Variants in CADPS2 observed in about 807,000 individuals in gnomAD.
CADPS2 encodes calcium-dependent secretion activator 2.
In CADPS2, 93 loss-of-function variants were observed where a neutral mutation model predicts 172.5. That is an observed-to-expected ratio of 0.54 (90% CI 0.46 to 0.64). The LOEUF is 0.64. CADPS2 is among the 30% of genes least tolerant of loss of function. The probability of loss-of-function intolerance (pLI) is 0.00; values close to 1 mark genes in which losing one functional copy is unlikely to be tolerated. For synonymous variants in CADPS2, 546 were observed against 555.2 expected (o/e 0.98, Z 0.23); for missense variants, 1,420 against 1,565.9 (o/e 0.91, Z 1.57).
At chr7:122,699,473 T>G (rs2085681555) in intron 2 of CADPS2, among the ~76,000 whole-genome samples, 1 of 152,174 alleles carries the variant, frequency 6.6e-6, no homozygotes, top group African/African-American at 2.4e-5. Flanking sequence ...ATTAGTGCAG[T>G]GACCGGATGT....
chr7:122,763,233 A>G (rs1360875960), intron 1 of CADPS2, among the ~76,000 whole-genome samples: 1 of 152,166 alleles, frequency 6.6e-6, no homozygotes, highest in African/African-American at 2.4e-5. Flanking sequence ...TAATATTTGG[A>G]TGTGCATAAT....
chr7:122,372,103 C>T (rs774081952), intron 25 of CADPS2, among the ~76,000 whole-genome samples: 21 of 152,188 alleles, frequency 1.4e-4, no homozygotes, highest in Non-Finnish European at 2.6e-4. Flanking sequence ...TATTATATTA[C>T]TCCTACTTTA....
chr7:122,773,773 T>C lies in CADPS2; in HGVS notation c.340-36705A>G, dbSNP rs1239973448. Among the ~76,000 whole-genome samples the C allele has an allele frequency of 5.3e-5, 8 of 152,090 alleles. No individual in the cohort carries two copies. The East Asian group carries it at 1.5e-3, about 29-fold the overall frequency. On this transcript the variant is annotated intron_variant, in intron 1 of 29. Transcript: ENST00000449022. Reference sequence around the variant, plus strand: ...CTACTTGTAGCAAACTACTTTTCCATAACTGTACTTCAAATTATCATCCCA... The same window carrying C: ...CTACTTGTAGCAAACTACTTTTCCACAACTGTACTTCAAATTATCATCCCA...
At chr7:122,725,750 C>T (rs1383500478) in intron 2 of CADPS2, among the ~76,000 whole-genome samples, 5 of 151,726 alleles carry the variant, frequency 3.3e-5, no homozygotes, top group South Asian at 2.1e-4. Context: ...GCTTTGATCA[C>T]GTCACTGTAC....
At chr7:122,759,014 A>T (rs1344296594) in intron 1 of CADPS2, among the ~76,000 whole-genome samples, 1 of 151,790 alleles carries the variant, frequency 6.6e-6, no homozygotes, top group Non-Finnish European at 1.5e-5. Flanking sequence ...AAAAAAAAAA[A>T]TTAAAGGTCC....
intron 2 of CADPS2, among the ~76,000 whole-genome samples, chr7:122,714,084 G>T (rs2136827177): frequency 6.6e-6 from 1 of 152,194 alleles, no homozygotes; most frequent in East Asian, 1.9e-4. Context: ...TTAGGGAAAA[G>T]AGGAGGTTAC....
chr7:122,619,896 A>G (rs2075385537), intron 5 of CADPS2, among the ~76,000 whole-genome samples: 1 of 152,226 alleles, frequency 6.6e-6, no homozygotes, highest in Admixed American at 6.5e-5. Flanking sequence ...AGGTAAGCCC[A>G]GAATTGAATC....
chr7:122,513,230 AC>A lies in CADPS2; in HGVS notation c.1542+18del. 1 of 1,529,388 alleles carries A rather than the reference AC, an allele frequency of 6.5e-7. No homozygotes were observed. Among genetic ancestry groups the A allele is most frequent in the Non-Finnish European group, 8.9e-7 (1 of 1,125,184 alleles). 94.7% of individuals were successfully genotyped at this position (1,529,388 alleles called of 1,614,324 possible). On this transcript the variant is annotated intron_variant, in intron 9 of 29. Transcript: ENST00000449022. ...ACTGCTATCTTAGAGTGATTATTTAACAGGAAAAAATGACTAACCTGAACTA... is the reference window on the plus strand; with the variant it reads ...ACTGCTATCTTAGAGTGATTATTTAAAGGAAAAAATGACTAACCTGAACTA...
chr7:122,566,533 T>C (rs2066498692), intron 7 of CADPS2, among the ~76,000 whole-genome samples: 1 of 152,144 alleles, frequency 6.6e-6, no homozygotes, highest in African/African-American at 2.4e-5. Context: ...CATCAGTGAA[T>C]GAATAAAATG....
intron 3 of CADPS2, among the ~76,000 whole-genome samples, chr7:122,660,801 T>C (rs1025520986): frequency 3.3e-5 from 5 of 151,940 alleles, no homozygotes; most frequent in East Asian, 1.9e-4. Flanking sequence ...TCCCAGCTAC[T>C]TGGGAGGCTG....
At chr7:122,407,999 T>C (rs1467464741) in intron 19 of CADPS2, among the ~76,000 whole-genome samples, 3 of 152,090 alleles carry the variant, frequency 2.0e-5, no homozygotes, top group African/African-American at 7.2e-5. Flanking sequence ...AAAGAAAAAT[T>C]ATTTGTATCT....
chr7:122,723,826 C>T (rs1490813838), intron 2 of CADPS2, among the ~76,000 whole-genome samples: 1 of 152,056 alleles, frequency 6.6e-6, no homozygotes, highest in Non-Finnish European at 1.5e-5. Flanking sequence ...GGCACATATA[C>T]ACCATGGAAG....
intron 28 of CADPS2, among the ~76,000 whole-genome samples, chr7:122,335,942 C>T (rs558339439): frequency 6.6e-6 from 1 of 152,214 alleles, no homozygotes; most frequent in South Asian, 2.1e-4. Flanking sequence ...TAAAAATCAG[C>T]ATGAAGAATG....
At chr7:122,609,480 A>G (rs1373634912) in intron 6 of CADPS2, among the ~76,000 whole-genome samples, 3 of 152,202 alleles carry the variant, frequency 2.0e-5, no homozygotes, top group African/African-American at 7.2e-5. Context: ...AAAAATCCAT[A>G]AATAACAGGA....
chr7:122,712,264 T>C (rs2088870384), intron 2 of CADPS2, among the ~76,000 whole-genome samples: 1 of 152,136 alleles, frequency 6.6e-6, no homozygotes, highest in Non-Finnish European at 1.5e-5. Context: ...AGTGCACTGA[T>C]TTGTATCAAT....
At chr7:122,498,280 G>A (rs1408093616) in intron 9 of CADPS2, among the ~76,000 whole-genome samples, 1 of 152,088 alleles carries the variant, frequency 6.6e-6, no homozygotes, top group Admixed American at 6.5e-5. Flanking sequence ...GTTCTTACAT[G>A]TTCTCTTAAT....
At chr7:122,496,420 C>T (rs2058734883) in intron 9 of CADPS2, among the ~76,000 whole-genome samples, 1 of 152,186 alleles carries the variant, frequency 6.6e-6, no homozygotes, top group Non-Finnish European at 1.5e-5. Context: ...GCCTTGGCCT[C>T]CCAAAATGCT....
At chr7:122,621,458 G>T in intron 5 of CADPS2, 23 bp downstream of exon 5, 1 of 1,433,020 alleles carries the variant, frequency 7.0e-7, no homozygotes, top group Non-Finnish European at 9.8e-7. Flanking sequence ...TGTCAGAGGT[G>T]AGCATGAGAT....
chr7:122,819,185 C>T (rs1275202411), intron 1 of CADPS2, among the ~76,000 whole-genome samples: 5 of 152,238 alleles, frequency 3.3e-5, no homozygotes, highest in Non-Finnish European at 7.3e-5. Context: ...CCCACAGGAG[C>T]TTGCTACATG....
Sources: allele counts gnomAD v4.1 joint callset (sites outside exome capture counted in the v4.1 genomes callset), GRCh38; gene constraint gnomAD v4.1.1; transcripts MANE v1.5; gene names NCBI Gene and HGNC (gene_info 2026-07-23, HGNC 2026-07-21).